The following CD3D variants were observed in gnomAD, a reference collection of about 807,000 sequenced individuals.
CD3D encodes the protein T-cell surface glycoprotein CD3 delta chain.
A neutral mutation model predicts 22.0 loss-of-function variants in CD3D; 22 were observed. The ratio of observed to expected loss-of-function variants is 1.00; its 90% CI spans 0.71 to 1.43. The LOEUF (loss-of-function observed/expected upper bound fraction) is 1.43, where lower values mean the gene tolerates loss of function less well. Among genes scored for constraint, CD3D ranks in the 40% most tolerant of loss-of-function variants. The probability of loss-of-function intolerance (pLI) is 0.00; values close to 1 mark genes in which losing one functional copy is unlikely to be tolerated. For missense variants in CD3D, 205 were observed against 211.7 expected (o/e 0.97, Z 0.20); for synonymous variants, 74 against 81.2 (o/e 0.91, Z 0.48).
At position 118,340,531 on chromosome 11, in the gene CD3D, TG is replaced by T; in HGVS notation, c.117del (p.Ser40AlafsTer5). Reference sequence around the variant, plus strand: ...ACCGTTCCCTCTACCCATGTGATGCTGGTATTGCAATTCACAAACACTCTGT... The same window carrying T: ...ACCGTTCCCTCTACCCATGTGATGCTGTATTGCAATTCACAAACACTCTGT... ...LEDRVFVNCN[T>X]SITWVEGTVG... On this transcript the variant is annotated frameshift_variant, in exon 2 of 5. Transcript: ENST00000300692. LOFTEE classifies it high-confidence loss of function. The T allele has an allele frequency of 6.2e-7, 1 of 1,614,130 alleles. No homozygotes were observed. Among genetic ancestry groups the T allele is most frequent in the Non-Finnish European group, 8.5e-7 (1 of 1,180,018 alleles).
intron 3 of CD3D, 66 bp downstream of exon 3, chr11:118,339,709 T>C (rs1227131216): frequency 6.5e-7 from 1 of 1,538,258 alleles, no homozygotes; most frequent in South Asian, 1.2e-5. Flanking sequence ...AGCTCACTGG[T>C]ACACACACAC....
chr11:118,340,516 C>T lies in CD3D; in HGVS notation c.133G>A (p.Glu45Lys). Residue 45 changes from glutamate (E) to lysine (K), a missense_variant, in exon 2 of 5, where the codon GAG becomes AAG. Transcript: ENST00000300692. ...VNCNTSITWV[E>K]GTVGTLLSDI... is the part of the protein sequence containing the mutation. ...GAGAGCAGTGTTCCCACCGTTCCCTCTACCCATGTGATGCTGGTATTGCAA... is the reference window on the plus strand; with the variant it reads ...GAGAGCAGTGTTCCCACCGTTCCCTTTACCCATGTGATGCTGGTATTGCAA... 6.2e-7 allele frequency: 1 copy of T among 1,614,128 alleles called. No homozygotes were observed. The highest frequency in any genetic ancestry group is 8.5e-7 in the Non-Finnish European group (1 of 1,180,008).
At chr11:118,341,835 C>T (rs1197759451) in intron 1 of CD3D, among the ~76,000 whole-genome samples, 1 of 152,216 alleles carries the variant, frequency 6.6e-6, no homozygotes, top group African/African-American at 2.4e-5. Context: ...GTTAACTTCT[C>T]TTAAAGCATT....
Position 118,340,594 on chromosome 11 carries a change from C to G in CD3D, c.56-1G>C. The stretch of plus-strand genomic sequence containing the variant: ...TCTATAGGTATCTTGAAGGGGCTCA[C>G]TAAAGGGGAAAAAATATCACAGTTG... On this transcript the variant is annotated splice_acceptor_variant, in intron 1 of 4. Coordinates refer to ENST00000300692, the MANE Select transcript of CD3D (RefSeq NM_000732.6). LOFTEE classifies it high-confidence loss of function. 6.2e-7 allele frequency: 1 copy of G among 1,606,892 alleles called. No individual in the cohort carries two copies. The highest frequency in any genetic ancestry group is 8.5e-7 in the Non-Finnish European group (1 of 1,173,848).
chr11:118,339,709 TACACAC>T (rs67065773), intron 3 of CD3D, 60 bp downstream of exon 3: 1,540 of 1,536,712 alleles, frequency 1.0e-3, no homozygotes, highest in South Asian at 1.8e-3. Flanking sequence ...AGCTCACTGG[TACACAC>T]ACACACACAC....
chr11:118,340,554 C>A lies in CD3D; in HGVS notation c.95G>T (p.Arg32Ile). Reference sequence around the variant, plus strand: ...GCTGGTATTGCAATTCACAAACACTCTGTCCTCAAGTTCCTCTATAGGTAT... The same window carrying A: ...GCTGGTATTGCAATTCACAAACACTATGTCCTCAAGTTCCTCTATAGGTAT... Reference protein sequence around the residue: ...FKIPIEELEDRVFVNCNTSIT... With the variant: ...FKIPIEELEDIVFVNCNTSIT... The change falls in exon 2 of 5, where the codon AGA (arginine) becomes ATA (isoleucine). Residue 32 changes from arginine to isoleucine, a missense_variant. Coordinates refer to ENST00000300692, the MANE Select transcript of CD3D (RefSeq NM_000732.6). The A allele has an allele frequency of 6.2e-7, 1 of 1,614,096 alleles. No homozygotes were observed. Among genetic ancestry groups the A allele is most frequent in the African/African-American group, 1.3e-5 (1 of 75,026 alleles).
At position 118,340,389 on chromosome 11, in the gene CD3D, T is replaced by C. The variant is rs747613953; in HGVS notation, c.260A>G (p.Gln87Arg). ...DIYKDKESTV[Q>R]VHYRMCQSCV... ...GAAGCACGTACTTCGATAATGAACTTGCACGGTAGATTCTTTGTCCTTGTA... is the reference window on the plus strand; with the variant it reads ...GAAGCACGTACTTCGATAATGAACTCGCACGGTAGATTCTTTGTCCTTGTA... Residue 87 changes from glutamine to arginine, a missense_variant, in exon 2 of 5, where the codon CAA becomes CGA. Coordinates refer to ENST00000300692, the MANE Select transcript of CD3D (RefSeq NM_000732.6). 3.7e-6 allele frequency: 6 copies of C among 1,613,832 alleles called. No homozygotes were observed. The highest frequency in any genetic ancestry group is 5.1e-6 in the Non-Finnish European group (6 of 1,179,690).
At chr11:118,339,336 C>G in intron 4 of CD3D, 109 bp from the exon 5 acceptor site, 1 of 1,485,272 alleles carries the variant, frequency 6.7e-7, no homozygotes, top group Non-Finnish European at 9.4e-7. Context: ...TCCAGTCACA[C>G]CCAGCAATGA....
rs947157482 is a variant in CD3D, at chr11:118,342,610, C to G, written c.-3G>C. 4 of 1,613,310 alleles carry G rather than the reference C, an allele frequency of 2.5e-6. No homozygotes were observed. The highest frequency in any genetic ancestry group is 3.4e-6 in the Non-Finnish European group (4 of 1,179,496). ...GAGAGAAACGTGCTATGTTCCATCT[C>G]CCAGCGGAACTCATCCAGTAGATAA... On this transcript the variant is annotated 5_prime_UTR_variant, in exon 1 of 5. Transcript: ENST00000300692.
Position 118,339,168 on chromosome 11 carries a change from G to A in CD3D, c.510C>T (p.Asn170=), listed in dbSNP as rs146997233. The A allele has an allele frequency of 6.8e-5, 109 of 1,613,914 alleles. No homozygotes were observed. Among genetic ancestry groups the A allele is most frequent in the East Asian group, 2.2e-5 (1 of 44,884 alleles). The part of the protein sequence containing the change: ...YSHLGGNWAR[N]K Reference sequence around the variant, plus strand: ...GAAGCCACCAGTCTCAGGTTCACTTGTTCCGAGCCCAGTTTCCTCCAAGGT... The same window carrying A: ...GAAGCCACCAGTCTCAGGTTCACTTATTCCGAGCCCAGTTTCCTCCAAGGT... Residue 170 remains asparagine, a synonymous_variant, in exon 5 of 5, where the codon AAC becomes AAT. Transcript: ENST00000300692.
Position 118,340,378 on chromosome 11 carries a change from G to A in CD3D, c.271C>T (p.Arg91Ter), listed in dbSNP as rs1172098673. 2.5e-6 allele frequency: 4 copies of A among 1,612,236 alleles called. No individual in the cohort carries two copies. The highest frequency in any genetic ancestry group is 3.4e-6 in the Non-Finnish European group (4 of 1,178,308). The change falls in exon 2 of 5, where the codon CGA becomes TGA. Residue 91 changes from arginine to a stop codon, truncating the protein, a stop_gained. Coordinates refer to ENST00000300692, the MANE Select transcript of CD3D (RefSeq NM_000732.6). LOFTEE classifies it high-confidence loss of function. ...DKESTVQVHY[R>*]MCQSCVELDP... ...AAAGGGTTCAGGAAGCACGTACTTC[G>A]ATAATGAACTTGCACGGTAGATTCT...
downstream of CD3D, chr11:118,339,033 C>T (rs1948274465): frequency 1.2e-6 from 1 of 844,298 alleles, no homozygotes; most frequent in East Asian, 2.5e-5. Flanking sequence ...CAGGACAACT[C>T]CCACGCCTTG....
intron 1 of CD3D, 145 bp from the exon 2 acceptor site, chr11:118,340,738 G>C: frequency 1.4e-6 from 1 of 723,696 alleles, no homozygotes; most frequent in Non-Finnish European, 2.5e-6. Context: ...GAAGTCACAA[G>C]AAAAAGCCTT....
intron 4 of CD3D, 50 bp from the exon 5 acceptor site, chr11:118,339,277 A>G: frequency 3.2e-6 from 5 of 1,574,734 alleles, no homozygotes; most frequent in Non-Finnish European, 4.4e-6. Flanking sequence ...AGAACTCTTC[A>G]AGGAAGGGCC....
At chr11:118,341,841 G>A (rs1948302533) in intron 1 of CD3D, among the ~76,000 whole-genome samples, 1 of 152,178 alleles carries the variant, frequency 6.6e-6, no homozygotes, top group Non-Finnish European at 1.5e-5. Flanking sequence ...TTCTCTTAAA[G>A]CATTCACATA....
intron 4 of CD3D, 26 bp from the exon 5 acceptor site, chr11:118,339,253 C>T: frequency 3.1e-6 from 5 of 1,604,926 alleles, no homozygotes; most frequent in Non-Finnish European, 4.3e-6. Flanking sequence ...AGAAAACGGT[C>T]AGGAGGCAGG....
rs1948291228 is a variant in CD3D at position 118,340,563 on chromosome 11, A to C, written c.86T>G (p.Leu29Arg). 2 of 1,613,900 alleles carry C rather than the reference A, an allele frequency of 1.2e-6. No homozygotes were observed. Among genetic ancestry groups the C allele is most frequent in the Non-Finnish European group, 1.7e-6 (2 of 1,179,952 alleles). ...GCAATTCACAAACACTCTGTCCTCA[A>C]GTTCCTCTATAGGTATCTTGAAGGG... The part of the protein sequence containing the change: ...VSPFKIPIEE[L>R]EDRVFVNCNT... The change falls in exon 2 of 5, where the codon CTT becomes CGT. Residue 29 changes from leucine (L) to arginine (R), a missense_variant. By Grantham distance (102) the Leu-to-Arg change is moderately radical. Transcript: ENST00000300692.
Position 118,339,192 on chromosome 11 carries a change from G to T in CD3D, c.486C>A (p.His162Gln), listed in dbSNP as rs1353572157. Reference sequence around the variant, plus strand: ...TGTTCCGAGCCCAGTTTCCTCCAAGGTGGCTGTACTGAGCATCATCTCGAT... The same window carrying T: ...TGTTCCGAGCCCAGTTTCCTCCAAGTTGGCTGTACTGAGCATCATCTCGAT... ...LRDRDDAQYSHLGGNWARNK is the reference protein window; with the variant it reads ...LRDRDDAQYSQLGGNWARNK The change falls in exon 5 of 5, where the codon CAC (histidine) becomes CAA (glutamine). Residue 162 changes from histidine to glutamine, a missense_variant. By Grantham distance (24) the His-to-Gln change is conservative. Coordinates refer to ENST00000300692, the MANE Select transcript of CD3D (RefSeq NM_000732.6). 1.2e-6 allele frequency: 2 copies of T among 1,613,964 alleles called. No individual in the cohort carries two copies. Among genetic ancestry groups the T allele is most frequent in the African/African-American group, 2.7e-5 (2 of 74,882 alleles).
intron 1 of CD3D, among the ~76,000 whole-genome samples, chr11:118,341,534 T>G (rs901561681): frequency 3.9e-5 from 6 of 152,188 alleles, no homozygotes; most frequent in Non-Finnish European, 7.4e-5. Context: ...TTGCTCACAC[T>G]TCTGAAGCAG....
Sources: allele counts gnomAD v4.1 joint callset (sites outside exome capture counted in the v4.1 genomes callset), GRCh38; gene constraint gnomAD v4.1.1; transcripts MANE v1.5; gene names NCBI Gene and HGNC (gene_info 2026-07-23, HGNC 2026-07-21).